The following KCTD19 variants were observed in gnomAD, a reference collection of about 807,000 sequenced individuals.
KCTD19 encodes potassium channel tetramerization domain containing 19, also known as BTB/POZ domain-containing protein KCTD19.
Under a neutral mutation model 103.5 loss-of-function variants are expected in KCTD19, and 67 were observed. That is an observed-to-expected ratio of 0.65 (90% CI 0.53 to 0.79). The LOEUF (loss-of-function observed/expected upper bound fraction) is 0.79. Ranked by LOEUF, KCTD19 falls within the 30% of genes least tolerant of loss-of-function variation. KCTD19 has a pLI of 0.00. For missense variants in KCTD19, 980 were observed against 1,136.1 expected, an observed-to-expected ratio of 0.86 and a Z score of 1.98; for synonymous variants, 439 against 452.2, an observed-to-expected ratio of 0.97 and a Z score of 0.37.
chr16:67,317,285 C>A (rs536116196), intron 2 of KCTD19, among the ~76,000 whole-genome samples: 1 of 151,988 alleles, frequency 6.6e-6, no homozygotes, highest in East Asian at 1.9e-4. Flanking sequence ...TTGAGACAAG[C>A]CTGGCCAACA....
chr16:67,304,258 G>A (rs1272166441), intron 3 of KCTD19, among the ~76,000 whole-genome samples, 163 bp downstream of exon 3: 1 of 152,200 alleles, frequency 6.6e-6, no homozygotes. Context: ...CAGGCAAGCA[G>A]CCATGGAGAG....
At chr16:67,311,969 G>A (rs1249713622) in intron 2 of KCTD19, among the ~76,000 whole-genome samples, 1 of 152,158 alleles carries the variant, frequency 6.6e-6, no homozygotes, top group African/African-American at 2.4e-5. Context: ...ATGAGTAATG[G>A]GAAATGTGAG....
At chr16:67,297,960 T>A (rs1202651419) in intron 6 of KCTD19, among the ~76,000 whole-genome samples, 5 of 151,650 alleles carry the variant, frequency 3.3e-5, no homozygotes, top group Non-Finnish European at 7.4e-5. Context: ...CTGGCTAATT[T>A]TTTGTATTTT....
Position 67,290,954 on chromosome 16 carries a change from T to C in KCTD19, c.2598A>G (p.Val866=), listed in dbSNP as rs1292348124. Residue 866 remains valine, a synonymous_variant, in exon 15 of 16, where the codon GTA becomes GTG. Coordinates refer to ENST00000304372, the MANE Select transcript of KCTD19 (RefSeq NM_001100915.3). ...TGAAGCCGGTGATGGCCAGCAAATC[T>C]ACCACAAACTGCTTGGGGCTGATGT... ...TLHISPKQFV[V]DLLAITGFKD... 1 of 1,614,130 alleles carries C rather than the reference T, an allele frequency of 6.2e-7. No individual in the cohort carries two copies. Among genetic ancestry groups the C allele is most frequent in the Admixed American group, 1.7e-5 (1 of 60,022 alleles).
chr16:67,321,856 C>T lies in KCTD19; in HGVS notation c.4-971G>A, dbSNP rs141473785. 364 of 152,498 alleles carry T rather than the reference C, an allele frequency of 2.4e-3. 1 individual carries two copies. Among genetic ancestry groups the T allele is most frequent in the Non-Finnish European group, 4.1e-3 (276 of 68,030 alleles). The allele number at this position is 152,498 out of a possible 1,614,324, so 9.4% of individuals were successfully genotyped here. A position where few individuals can be genotyped will look rare whatever the true frequency, so the allele number is the denominator to read the frequency against. ...GATGGTCGTCCTCTTTGACTGAGCA[C>T]GCAGCTTCAGGAGGGACGCACGTGG... is the stretch of plus-strand genomic sequence containing the variant. On this transcript the variant is annotated intron_variant, in intron 1 of 15. Transcript: ENST00000304372.
rs1344696008 is a variant in KCTD19, at chr16:67,299,563, G to A, written c.786C>T (p.Ser262=). The A allele has an allele frequency of 6.2e-7, 1 of 1,611,812 alleles. No individual in the cohort carries two copies. Among genetic ancestry groups the A allele is most frequent in the Non-Finnish European group, 8.5e-7 (1 of 1,179,620 alleles). Residue 262 remains serine, a synonymous_variant, in exon 6 of 16, where the codon TCC becomes TCT. Coordinates refer to ENST00000304372, the MANE Select transcript of KCTD19 (RefSeq NM_001100915.3). The stretch of plus-strand genomic sequence containing the variant: ...GGCTCAGGGGAGAACAGGTGGTCGG[G>A]GAACAGCCACCTGTGTCAGAGAGAA... The part of the protein sequence containing the change: ...RWYRMNMGGC[S]PTTCSPLSPG...
intron 4 of KCTD19, chr16:67,302,517 G>C (rs144899368): frequency 1.3e-5 from 2 of 156,180 alleles, no homozygotes; most frequent in Non-Finnish European, 2.8e-5. Context: ...GACAGCAGTA[G>C]CATCTTGGGG....
chr16:67,318,644 CTTAA>C (rs1288041094), intron 2 of KCTD19, among the ~76,000 whole-genome samples: 2 of 150,730 alleles, frequency 1.3e-5, no homozygotes, highest in East Asian at 3.9e-4. Flanking sequence ...GTTTAAAGGG[CTTAA>C]TACACTGTAG....
Position 67,293,727 on chromosome 16 carries a change from G to A in KCTD19, c.2035C>T (p.Gln679Ter). 5.0e-6 allele frequency: 8 copies of A among 1,614,050 alleles called. No homozygotes were observed. The highest frequency in any genetic ancestry group is 6.8e-6 in the Non-Finnish European group (8 of 1,180,006). Residue 679 changes from glutamine to a stop codon, truncating the protein, a stop_gained, in exon 12 of 16, where the codon CAG (glutamine) becomes TAG (stop). Coordinates refer to ENST00000304372, the MANE Select transcript of KCTD19 (RefSeq NM_001100915.3). LOFTEE classifies it high-confidence loss of function. This position sits in a 1 kb window ranked among gnomAD's most constrained non-coding sequence, Gnocchi z 4.0. ...TTCCAGGCAGCTGAGGTGCTGGGCT[G>A]GGAAGCAGCCTCGCTTCCCAAGGGG... Reference protein sequence around the residue: ...QLPLGSEAASQPSTSAAWKAH... With the variant: ...QLPLGSEAAS
chr16:67,291,022 C>A lies in KCTD19; in HGVS notation c.2566-36G>T, dbSNP rs375268638. On this transcript the variant is annotated intron_variant, in intron 14 of 15. Coordinates refer to ENST00000304372, the MANE Select transcript of KCTD19 (RefSeq NM_001100915.3). ...AGCCCACAGTCAGGCAGTGCTAGGG[C>A]AGCTCCTAGCCCCTCAGAGTGAGAT... 37 of 1,592,722 alleles carry A rather than the reference C, an allele frequency of 2.3e-5. No individual in the cohort carries two copies. In the African/African-American group the frequency reaches 3.6e-4, roughly 16 times the overall value.
intron 5 of KCTD19, 134 bp downstream of exon 5, chr16:67,301,657 A>G (rs1300416987): frequency 8.7e-6 from 7 of 803,640 alleles, no homozygotes; most frequent in African/African-American, 6.9e-5. Flanking sequence ...TCTTGGATTC[A>G]GAGTCAGCCA....
chr16:67,291,890 C>T, intron 12 of KCTD19, 53 bp from the exon 13 acceptor site: 3 of 1,329,640 alleles, frequency 2.3e-6, no homozygotes, highest in East Asian at 5.0e-5. Context: ...AATTTTTTTT[C>T]AAGATAGAGT....
At position 67,326,638 on chromosome 16, in the gene KCTD19, T is replaced by C. The variant is rs781449008; in HGVS notation, c.3+67A>G. ...GTCTCGAACCACTTAGCCCCAATCC[T>C]TGGCCACAGCGGCCCCCATTCGCCG... On this transcript the variant is annotated intron_variant, in intron 1 of 15. Transcript: ENST00000304372. 3 of 1,548,924 alleles carry C rather than the reference T, an allele frequency of 1.9e-6. No individual in the cohort carries two copies. The Admixed American group carries it at 5.6e-5, about 29-fold the overall frequency.
At chr16:67,308,254 C>G (rs1026015743) in intron 2 of KCTD19, among the ~76,000 whole-genome samples, 2 of 151,118 alleles carry the variant, frequency 1.3e-5, no homozygotes, top group African/African-American at 2.4e-5. Flanking sequence ...CAGCCTTGAC[C>G]TCTTGGGCTT....
In KCTD19 at chr16:67,294,048, G is replaced by A; in HGVS notation, c.1714C>T (p.Gln572Ter). The A allele has an allele frequency of 2.5e-6, 4 of 1,614,196 alleles. No individual in the cohort carries two copies. Among genetic ancestry groups the A allele is most frequent in the Admixed American group, 1.7e-5 (1 of 60,028 alleles). The change falls in exon 12 of 16, where the codon CAG becomes TAG. Residue 572 changes from glutamine (Q) to a stop codon, truncating the protein, a stop_gained. Transcript: ENST00000304372. LOFTEE classifies it high-confidence loss of function. ...TTGGCATTTCGGCATAGGGACACCT[G>A]GATGGGCCGAGTGTACTGCTCAGCC... ...DEAEQYTRPI[Q>*]VSLCRNAKRA...
At chr16:67,291,544 T>A in intron 13 of KCTD19, 81 bp from the exon 14 acceptor site, 5 of 1,406,518 alleles carry the variant, frequency 3.6e-6, no homozygotes, top group South Asian at 1.2e-5. Context: ...GGGAGAGGGG[T>A]AGGGCCCCCA....
At chr16:67,324,877 C>G (rs908952486) in intron 1 of KCTD19, among the ~76,000 whole-genome samples, 2 of 152,174 alleles carry the variant, frequency 1.3e-5, no homozygotes, top group African/African-American at 2.4e-5. Context: ...CTGACAGAAG[C>G]AGAGCCAGAA....
intron 1 of KCTD19, among the ~76,000 whole-genome samples, chr16:67,325,199 CT>C (rs918808425): frequency 3.0e-5 from 4 of 132,334 alleles, no homozygotes; most frequent in Non-Finnish European, 6.1e-5. Context: ...TTCTTTTTTT[CT>C]TTTTTTCTTT....
At chr16:67,291,112 A>C in intron 14 of KCTD19, 126 bp from the exon 15 acceptor site, 3 of 1,201,786 alleles carry the variant, frequency 2.5e-6, no homozygotes, top group Non-Finnish European at 3.5e-6. Flanking sequence ...TGTCACTGCA[A>C]ATCTGCCTCT....
Sources: gnomAD v4.1 joint callset for allele counts (sites outside exome capture counted in the v4.1 genomes callset) on GRCh38, gnomAD v4.1.1 for gene constraint, Gnocchi (gnomAD v3.1) non-coding constraint, MANE v1.5 for transcripts, NCBI Gene and HGNC (gene_info 2026-07-23, HGNC 2026-07-21) for gene names.